Variants in KCNG2 observed in about 807,000 individuals in gnomAD.
KCNG2 encodes the protein potassium voltage-gated channel modifier subfamily G member 2.
KCNG2 carries 7 observed loss-of-function variants against 12.3 expected under a neutral mutation model. The observed-to-expected ratio is 0.57, with a 90% CI of 0.32 to 1.07. The LOEUF is 1.07. Among genes scored for constraint, KCNG2 ranks in the 50% least tolerant of loss-of-function variants. KCNG2 has a pLI of 0.04. For synonymous variants in KCNG2, 414 were observed against 351.4 expected (o/e 1.18, Z -1.99); for missense variants, 703 against 726.0 (o/e 0.97, Z 0.36).
In KCNG2 at chr18:79,885,954, G is replaced by A. The variant is rs375437087; in HGVS notation, c.625-13086G>A. On this transcript the variant is annotated intron_variant, in intron 3 of 3. Transcript: ENST00000316249. ...CGTGGGGACAGGGACATGGGGACACGGGACAGGGAGATGGGGATGGGAACA... is the reference window on the plus strand; with the variant it reads ...CGTGGGGACAGGGACATGGGGACACAGGACAGGGAGATGGGGATGGGAACA... Among the ~76,000 whole-genome samples the A allele has an allele frequency of 0.03, 361 of 12,088 alleles. 149 individuals are homozygous for A. The East Asian group carries it at 0.3, about 10-fold the overall frequency. The allele number at this position is 12,088 out of a possible 152,430, so 7.9% of individuals were successfully genotyped here.
At chr18:79,815,755 C>T (rs868758975) in intron 1 of KCNG2, among the ~76,000 whole-genome samples, 9 of 152,232 alleles carry the variant, frequency 5.9e-5, no homozygotes, top group Admixed American at 3.9e-4. Context: ...AGCCCTTCAG[C>T]GTGAGTGTCC....
chr18:79,838,426 T>C (rs1028500062), intron 1 of KCNG2, among the ~76,000 whole-genome samples: 3 of 152,156 alleles, frequency 2.0e-5, no homozygotes, highest in Non-Finnish European at 4.4e-5. Flanking sequence ...TTTTTTTTTT[T>C]TTCCTGAGAC....
rs1980389595 is a variant in KCNG2 at position 79,883,254 on chromosome 18, G to T, written c.625-15786G>T. On this transcript the variant is annotated intron_variant, in intron 3 of 3. Coordinates refer to ENST00000316249, the MANE Select transcript of KCNG2 (RefSeq NM_012283.2). ...GGTTGGGGGCCAAGACTGGGTGGGCGGGGTCCGGCTGTGAGGCAGGGAACG... is the reference window on the plus strand; with the variant it reads ...GGTTGGGGGCCAAGACTGGGTGGGCTGGGTCCGGCTGTGAGGCAGGGAACG... Among the ~76,000 whole-genome samples the T allele has an allele frequency of 2.0e-5, 3 of 152,302 alleles. No homozygotes were observed. In the South Asian group the frequency reaches 6.2e-4, roughly 32 times the overall value.
chr18:79,807,733 G>A (rs578223597), intron 1 of KCNG2, among the ~76,000 whole-genome samples: 1 of 152,030 alleles, frequency 6.6e-6, no homozygotes, highest in African/African-American at 2.4e-5. Context: ...GCCACTGACG[G>A]GCACTCCATG....
At chr18:79,892,141 G>A (rs1980765987) in intron 3 of KCNG2, among the ~76,000 whole-genome samples, 1 of 150,720 alleles carries the variant, frequency 6.6e-6, no homozygotes, top group East Asian at 1.9e-4. Context: ...ACAACACAGT[G>A]CGGTATTGAA....
intron 3 of KCNG2, among the ~76,000 whole-genome samples, chr18:79,891,354 C>A (rs1169518150): frequency 6.6e-6 from 1 of 152,158 alleles, no homozygotes; most frequent in East Asian, 1.9e-4. Flanking sequence ...TCTCAGCCCC[C>A]CAAGTAGCTG....
chr18:79,847,588 G>A (rs1198611684), intron 1 of KCNG2, among the ~76,000 whole-genome samples: 1 of 152,206 alleles, frequency 6.6e-6, no homozygotes, highest in African/African-American at 2.4e-5. Flanking sequence ...CCTCATCCAT[G>A]TATGTAATAA....
chr18:79,897,956 C>CTTTA (rs1272348396), intron 3 of KCNG2, among the ~76,000 whole-genome samples: 1 of 152,168 alleles, frequency 6.6e-6, no homozygotes, highest in Non-Finnish European at 1.5e-5. Context: ...CTGCTCATAT[C>CTTTA]GCAGCTCCTT....
intron 1 of KCNG2, among the ~76,000 whole-genome samples, chr18:79,850,966 G>A (rs143204655): frequency 1.1e-4 from 16 of 152,258 alleles, no homozygotes; most frequent in Admixed American, 7.2e-4. Flanking sequence ...TGGAGTCTTC[G>A]TGTTACCAGA....
Position 79,864,279 on chromosome 18 carries a change from C to T in KCNG2, c.612C>T (p.Ala204=), listed in dbSNP as rs759804602. ...LCLSTMPDIR[A]EEERGECSPK... ...TGAGCACCATGCCGGACATCCGCGC[C>T]GAGGAGGAGCGGGTGAGCGCGGCCG... The change falls in exon 3 of 4, where the codon GCC becomes GCT. Residue 204 remains alanine (A), a synonymous_variant. Transcript: ENST00000316249. The T allele has an allele frequency of 9.9e-6, 15 of 1,514,490 alleles. No homozygotes were observed. In the Admixed American group the frequency reaches 2.0e-4, roughly 21 times the overall value. The allele number at this position is 1,514,490 out of a possible 1,614,324, so 93.8% of individuals were successfully genotyped here.
Position 79,863,823 on chromosome 18 carries a change from C to T in KCNG2, c.156C>T (p.His52=), listed in dbSNP as rs1284808298. ...RLERLRACRG[H]DDLLRVCDDY... is the part of the protein sequence containing the mutation. ...AGCGCCTGCGCGCCTGCCGCGGCCA[C>T]GACGACCTGCTGCGCGTGTGTGACG... The change falls in exon 3 of 4, where the codon CAC becomes CAT. Residue 52 remains histidine (H), a synonymous_variant. Transcript: ENST00000316249. The T allele has an allele frequency of 7.2e-7, 1 of 1,391,892 alleles. No homozygotes were observed. Among genetic ancestry groups the T allele is most frequent in the Admixed American group, 3.1e-5 (1 of 32,554 alleles). The allele number at this position is 1,391,892 out of a possible 1,614,324, so 86.2% of individuals were successfully genotyped here.
At chr18:79,832,920 A>C (rs1329696344) in intron 1 of KCNG2, among the ~76,000 whole-genome samples, 1 of 152,150 alleles carries the variant, frequency 6.6e-6, no homozygotes, top group African/African-American at 2.4e-5. Flanking sequence ...TTGGAGTATA[A>C]ACGGCTGGGA....
chr18:79,861,422 G>A (rs1979218309), intron 2 of KCNG2, among the ~76,000 whole-genome samples: 1 of 151,944 alleles, frequency 6.6e-6, no homozygotes, highest in South Asian at 2.1e-4. Context: ...GGGATTACGG[G>A]CACCTGCCAC....
chr18:79,798,778 T>C (rs2087384441), intron 1 of KCNG2, among the ~76,000 whole-genome samples: 1 of 151,872 alleles, frequency 6.6e-6, no homozygotes, highest in African/African-American at 2.4e-5. Flanking sequence ...ACGAGAAGGG[T>C]CCCTCCTGCG....
intron 3 of KCNG2, among the ~76,000 whole-genome samples, chr18:79,866,851 T>TGA (rs36191163): frequency 4.6e-5 from 3 of 65,578 alleles, no homozygotes; most frequent in African/African-American, 4.5e-5. Flanking sequence ...GTGTGGGTGC[T>TGA]GAGGTGTGGG....
intron 3 of KCNG2, among the ~76,000 whole-genome samples, chr18:79,865,344 GTCTGGGTGCTGAGA>G (rs1979441148): frequency 7.9e-6 from 1 of 126,946 alleles, no homozygotes; most frequent in Non-Finnish European, 1.7e-5. Flanking sequence ...GGGTGCTGAG[GTCTGGGTGCTGAGA>G]GGTCTGTGTG....
At chr18:79,816,696 T>C (rs1479133263) in intron 1 of KCNG2, among the ~76,000 whole-genome samples, 2 of 152,226 alleles carry the variant, frequency 1.3e-5, no homozygotes, top group East Asian at 3.9e-4. Flanking sequence ...GAAATTTTCC[T>C]GGGACGATGT....
chr18:79,804,986 A>G (rs1468717142), intron 1 of KCNG2, among the ~76,000 whole-genome samples: 1 of 152,134 alleles, frequency 6.6e-6, no homozygotes, highest in East Asian at 1.9e-4. Context: ...GCTCTCATAC[A>G]TGTTTGGGGT....
chr18:79,888,729 C>T (rs1038301605), intron 3 of KCNG2, among the ~76,000 whole-genome samples: 11 of 152,114 alleles, frequency 7.2e-5, no homozygotes, highest in East Asian at 5.8e-4. Flanking sequence ...CTCACTCTGT[C>T]GCCCAGGTGA....
Sources: allele counts gnomAD v4.1 joint callset (sites outside exome capture counted in the v4.1 genomes callset), GRCh38; gene constraint gnomAD v4.1.1; transcripts MANE v1.5; gene names NCBI Gene and HGNC (gene_info 2026-07-23, HGNC 2026-07-21).